The following PHIP variants were observed in gnomAD, a reference collection of about 807,000 sequenced individuals.
The protein encoded by PHIP is PH-interacting protein.
In PHIP, 54 loss-of-function variants were observed where a neutral mutation model predicts 236.8. That is an observed-to-expected ratio of 0.23 (90% confidence interval 0.18 to 0.29). The LOEUF is 0.29. PHIP is among the 10% of genes least tolerant of loss of function. PHIP has a pLI of 1.00. For synonymous variants in PHIP, 756 were observed against 718.9 expected (o/e 1.05, Z -0.83); for missense variants, 1,370 against 2,190.8 (o/e 0.63, Z 7.48).
At chr6:79,037,654 G>A (rs1020213818) in intron 7 of PHIP, among the ~76,000 whole-genome samples, 1 of 152,170 alleles carries the variant, frequency 6.6e-6, no homozygotes, top group African/African-American at 2.4e-5. Flanking sequence ...AGCCACAAAT[G>A]GGCTTTCCAA....
chr6:79,077,798 T>TC, intron 2 of PHIP, 57 bp downstream of exon 2: 1 of 1,014,294 alleles, frequency 9.9e-7, no homozygotes, highest in Non-Finnish European at 1.2e-6. Flanking sequence ...GCCGCCTCCC[T>TC]CCCCCACGCC....
chr6:79,005,570 AT>A lies in PHIP; in HGVS notation c.1525-1713del, dbSNP rs563445751. Among the ~76,000 whole-genome samples the A allele has an allele frequency of 7.9e-4, 119 of 151,546 alleles. 1 individual carries two copies. In the South Asian group the frequency reaches 8.1e-3, roughly 10 times the overall value. ...TGCCTTAGCCATGTGTTGTTAAATG[AT>A]TTTTTTTTAACTCAGTTCACTCAAA... On this transcript the variant is annotated intron_variant, in intron 15 of 39. Coordinates refer to ENST00000275034, the MANE Select transcript of PHIP (RefSeq NM_017934.7).
At chr6:78,959,273 C>G (rs1178242990) in intron 31 of PHIP, among the ~76,000 whole-genome samples, 2 of 151,958 alleles carry the variant, frequency 1.3e-5, no homozygotes, top group Non-Finnish European at 1.5e-5. Context: ...AAAGAAAACA[C>G]TTAGAAAATC....
rs776954056 is a variant in PHIP, at chr6:79,060,594, T to A, written c.341-18A>T. 1 of 1,611,548 alleles carries A rather than the reference T, an allele frequency of 6.2e-7. No homozygotes were observed. The highest frequency in any genetic ancestry group is 2.2e-5 in the East Asian group (1 of 44,828). Reference sequence around the variant, plus strand: ...CTTGCAGCCTATTAAACACATGTATTTTTATGCATACAAAGAACACAAAAA... The same window carrying A: ...CTTGCAGCCTATTAAACACATGTATATTTATGCATACAAAGAACACAAAAA... On this transcript the variant is annotated intron_variant, in intron 5 of 39. Transcript: ENST00000275034.
chr6:78,993,646 C>T (rs962305472), intron 19 of PHIP, among the ~76,000 whole-genome samples: 1 of 152,168 alleles, frequency 6.6e-6, no homozygotes, highest in Admixed American at 6.5e-5. Flanking sequence ...GCATGGTTTA[C>T]TGAATATTTT....
chr6:79,005,835 AG>A (rs1770261471), intron 15 of PHIP, among the ~76,000 whole-genome samples: 1 of 151,980 alleles, frequency 6.6e-6, no homozygotes, highest in African/African-American at 2.4e-5. Flanking sequence ...TTGCGGGGCA[AG>A]TAGGACTGAT....
chr6:78,997,054 C>A (rs910182074), intron 19 of PHIP, among the ~76,000 whole-genome samples: 2 of 150,328 alleles, frequency 1.3e-5, no homozygotes, highest in South Asian at 4.2e-4. Context: ...GAATGGCTGG[C>A]TAAATCCATT....
chr6:78,963,984 T>C lies in PHIP; in HGVS notation c.3380-732A>G, dbSNP rs768371923. On this transcript the variant is annotated intron_variant, in intron 29 of 39. Coordinates refer to ENST00000275034, the MANE Select transcript of PHIP (RefSeq NM_017934.7). ...ACAACAGTAACCACCCTTCAATATA[T>C]TTAGGTAGGAAACAAAACAGTGAAT... Among the ~76,000 whole-genome samples the C allele has an allele frequency of 8.4e-4, 128 of 152,292 alleles. 1 individual carries two copies. Among genetic ancestry groups the C allele is most frequent in the Admixed American group, 3.5e-3 (53 of 15,298 alleles).
At chr6:79,061,927 T>A (rs755692456) in intron 4 of PHIP, among the ~76,000 whole-genome samples, 2 of 151,048 alleles carry the variant, frequency 1.3e-5, no homozygotes, top group African/African-American at 2.5e-5. Flanking sequence ...AATGATATGT[T>A]TTTAAAGGTA....
Position 78,990,876 on chromosome 6 carries a change from C to A in PHIP, c.2311G>T (p.Val771Phe). 1 of 1,543,634 alleles carries A rather than the reference C, an allele frequency of 6.5e-7. No individual in the cohort carries two copies. ...AAATAATTAATATGTACCTTTGAGA[C>A]AGTGGGTATTTTATTCTCTTTTGGA... ...TVPKENKIPT[V>F]SKNHAHEHFL... The change falls in exon 20 of 40, where the codon GTC becomes TTC. Residue 771 changes from valine (V) to phenylalanine (F), a missense_variant. By Grantham distance (50) the Val-to-Phe change is conservative (BLOSUM62 -1). Coordinates refer to ENST00000275034, the MANE Select transcript of PHIP (RefSeq NM_017934.7).
At chr6:78,991,998 G>T in intron 19 of PHIP, among the ~76,000 whole-genome samples, 1 of 143,566 alleles carries the variant, frequency 7.0e-6, no homozygotes, top group African/African-American at 2.6e-5. Flanking sequence ...GAGTCTCGCT[G>T]TCGCCCAGGC....
In PHIP at chr6:78,934,938, A is replaced by G. The variant is rs540347774; in HGVS notation, c.*5755T>C. Among the ~76,000 whole-genome samples the G allele has an allele frequency of 6.6e-6, 1 of 152,210 alleles. No individual in the cohort carries two copies. Among genetic ancestry groups the G allele is most frequent in the Non-Finnish European group, 1.5e-5 (1 of 68,024 alleles). On this transcript the variant is annotated 3_prime_UTR_variant, in exon 40 of 40. Coordinates refer to ENST00000275034, the MANE Select transcript of PHIP (RefSeq NM_017934.7). Reference sequence around the variant, plus strand: ...TTCCACCATTCTTTTCCCAAAGACTAATCAGTAAGTGGTAAATGTGTTAAA... The same window carrying G: ...TTCCACCATTCTTTTCCCAAAGACTGATCAGTAAGTGGTAAATGTGTTAAA...
At chr6:78,952,419 A>G (rs1328365455) in intron 35 of PHIP, among the ~76,000 whole-genome samples, 1 of 139,014 alleles carries the variant, frequency 7.2e-6, no homozygotes, top group African/African-American at 2.6e-5. Flanking sequence ...CTCTGTCCCA[A>G]AAAAAAAAGA....
At chr6:78,983,161 T>C (rs779687260) in intron 22 of PHIP, 44 bp from the exon 23 acceptor site, 1 of 998,074 alleles carries the variant, frequency 1.0e-6, no homozygotes. Context: ...CAAGATAAAA[T>C]TTTAAGACTT....
At chr6:78,997,807 T>A (rs886151837) in intron 18 of PHIP, among the ~76,000 whole-genome samples, 2 of 152,132 alleles carry the variant, frequency 1.3e-5, no homozygotes, top group Non-Finnish European at 2.9e-5. Flanking sequence ...AGTCAATGAA[T>A]CATAACTATA....
chr6:79,077,443 C>CT lies in PHIP; in HGVS notation c.189+4dup. The CT allele has an allele frequency of 6.2e-7, 1 of 1,600,176 alleles. No individual in the cohort carries two copies. Among genetic ancestry groups the CT allele is most frequent in the Non-Finnish European group, 8.5e-7 (1 of 1,171,170 alleles). On this transcript the variant is annotated splice_donor_region_variant and intron_variant, in intron 4 of 39. Transcript: ENST00000275034. ...TTTCTTTGCTCTGCGACGTGAATGT[C>CT]TCACCAGATTCTGGTAGGTCCTGGG...
At chr6:79,021,025 C>T (rs916994248) in intron 9 of PHIP, among the ~76,000 whole-genome samples, 1 of 152,184 alleles carries the variant, frequency 6.6e-6, no homozygotes, top group Non-Finnish European at 1.5e-5. Flanking sequence ...CACATAGATG[C>T]TTTGGAACCT....
intron 6 of PHIP, among the ~76,000 whole-genome samples, chr6:79,051,958 G>C (rs1483380971): frequency 4.6e-5 from 7 of 151,646 alleles, no homozygotes; most frequent in Non-Finnish European, 1.5e-5. Context: ...ACTCAATTTT[G>C]AGTCAACAAA....
intron 35 of PHIP, among the ~76,000 whole-genome samples, chr6:78,949,811 C>T (rs1774042993): frequency 6.6e-6 from 1 of 152,094 alleles, no homozygotes; most frequent in South Asian, 2.1e-4. Flanking sequence ...ACCTCAGCCT[C>T]ATTAGTAGCT....
Sources: allele counts gnomAD v4.1 joint callset (sites outside exome capture counted in the v4.1 genomes callset), GRCh38; gene constraint gnomAD v4.1.1; transcripts MANE v1.5; gene names NCBI Gene and HGNC (gene_info 2026-07-23, HGNC 2026-07-21).